The following IL22RA2 variants were observed in gnomAD, a reference collection of about 807,000 sequenced individuals.
The protein encoded by IL22RA2 is interleukin-22 receptor subunit alpha-2.
IL22RA2 carries 39 observed loss-of-function variants against 30.7 expected under a neutral mutation model. The observed-to-expected ratio is 1.27, with a 90% confidence interval of 0.98 to 1.66. IL22RA2 has a LOEUF of 1.66. Among genes scored for constraint, IL22RA2 ranks in the 40% most tolerant of loss-of-function variants. IL22RA2 has a pLI of 0.00. For synonymous variants in IL22RA2, 103 were observed against 105.0 expected (o/e 0.98, Z 0.11); for missense variants, 315 against 312.7 (o/e 1.01, Z -0.05).
chr6:137,147,729 A>T lies in IL22RA2; in HGVS notation c.635T>A (p.Leu212Gln). Residue 212 changes from leucine (L) to glutamine (Q), a missense_variant, in exon 6 of 7, where the codon CTA becomes CAA. Leu to Gln is a moderately radical substitution (Grantham distance 113, BLOSUM62 -2). Coordinates refer to ENST00000296980, the MANE Select transcript of IL22RA2 (RefSeq NM_052962.3). ...CTATTCATCTGAACTTACCTTTTCT[A>T]GTGAATTGTTAATTATAAAAACTCG... The part of the protein sequence containing the change: ...LYRVFIINNS[L>Q]EKEQKVYEGA... The T allele has an allele frequency of 6.5e-7, 1 of 1,537,842 alleles. No homozygotes were observed. The highest frequency in any genetic ancestry group is 8.9e-7 in the Non-Finnish European group (1 of 1,126,270).
chr6:137,159,303 C>A (rs939595971), intron 2 of IL22RA2, among the ~76,000 whole-genome samples: 4 of 151,808 alleles, frequency 2.6e-5, no homozygotes, highest in African/African-American at 9.7e-5. Flanking sequence ...AGAAGTTGGG[C>A]AGAAGGAGGA....
intron 5 of IL22RA2, among the ~76,000 whole-genome samples, chr6:137,148,742 T>G (rs1016089817): frequency 5.3e-5 from 8 of 152,226 alleles, no homozygotes; most frequent in Non-Finnish European, 1.2e-4. Context: ...CCATAAGTTT[T>G]TAAAGCACTT....
In IL22RA2 at chr6:137,144,296, A is replaced by G. The variant is rs1582874461; in HGVS notation, c.*1328T>C. 4 of 152,258 alleles carry G rather than the reference A, an allele frequency of 2.6e-5. No individual in the cohort carries two copies. In the South Asian group the frequency reaches 8.3e-4, roughly 32 times the overall value. The allele number at this position is 152,258 out of a possible 1,614,324, so 9.4% of individuals were successfully genotyped here. A position where few individuals can be genotyped will look rare whatever the true frequency, so the allele number is the denominator to read the frequency against. On this transcript the variant is annotated 3_prime_UTR_variant, in exon 7 of 7. Coordinates refer to ENST00000296980, the MANE Select transcript of IL22RA2 (RefSeq NM_052962.3). ...TTCTCTAGCTCTTGCTCTGCCTCTTATTCTCCTCCACCCCCCAATACATTT... is the reference window on the plus strand; with the variant it reads ...TTCTCTAGCTCTTGCTCTGCCTCTTGTTCTCCTCCACCCCCCAATACATTT...
intron 5 of IL22RA2, among the ~76,000 whole-genome samples, chr6:137,148,341 G>T (rs1778221438): frequency 2.6e-5 from 4 of 152,148 alleles, no homozygotes; most frequent in Admixed American, 2.6e-4. Context: ...TTCCTGAGTA[G>T]CTGAGATTAC....
intron 4 of IL22RA2, among the ~76,000 whole-genome samples, 162 bp downstream of exon 4, chr6:137,156,597 A>G (rs1449264053): frequency 1.3e-5 from 2 of 152,380 alleles, no homozygotes; most frequent in East Asian, 3.9e-4. Context: ...CCAAAGTGAA[A>G]GTTTTCAAAA....
intron 4 of IL22RA2, among the ~76,000 whole-genome samples, chr6:137,155,781 C>T (rs184956282): frequency 4.9e-4 from 75 of 152,186 alleles, no homozygotes; most frequent in Middle Eastern, 3.4e-3. Flanking sequence ...ACATCCCTGA[C>T]GCTTTCTGTA....
intron 5 of IL22RA2, among the ~76,000 whole-genome samples, chr6:137,154,028 A>C (rs751312295): frequency 6.6e-6 from 1 of 152,004 alleles, no homozygotes; most frequent in African/African-American, 2.4e-5. Context: ...ATATCTATAC[A>C]TTAAACCCCT....
intron 1 of IL22RA2, among the ~76,000 whole-genome samples, chr6:137,165,263 G>A (rs988115114): frequency 2.0e-5 from 3 of 152,216 alleles, no homozygotes; most frequent in African/African-American, 4.8e-5. Flanking sequence ...TGAATTTTAT[G>A]AGAGGCTGTG....
At chr6:137,165,590 A>G (rs1450724243) in intron 1 of IL22RA2, among the ~76,000 whole-genome samples, 1 of 152,178 alleles carries the variant, frequency 6.6e-6, no homozygotes, top group East Asian at 1.9e-4. Context: ...AGGTAAAACC[A>G]GGAAGCTAAG....
At chr6:137,162,943 A>T (rs1226395757) in intron 1 of IL22RA2, among the ~76,000 whole-genome samples, 1 of 152,154 alleles carries the variant, frequency 6.6e-6, no homozygotes, top group Non-Finnish European at 1.5e-5. Context: ...GAAATTTTAA[A>T]ATCCTCTTAA....
chr6:137,170,965 G>A (rs943649905), intron 1 of IL22RA2, among the ~76,000 whole-genome samples: 8 of 152,272 alleles, frequency 5.3e-5, no homozygotes, highest in South Asian at 2.1e-4. Context: ...TTCAGCCTCC[G>A]CAAGTCATAA....
At chr6:137,169,122 T>G (rs933943410) in intron 1 of IL22RA2, among the ~76,000 whole-genome samples, 1 of 152,254 alleles carries the variant, frequency 6.6e-6, no homozygotes, top group Non-Finnish European at 1.5e-5. Flanking sequence ...TCCAAGTGTT[T>G]GGCTATTAAG....
At chr6:137,161,450 C>T (rs1182594424) in intron 2 of IL22RA2, among the ~76,000 whole-genome samples, 11 of 152,046 alleles carry the variant, frequency 7.2e-5, no homozygotes, top group Non-Finnish European at 1.5e-5. Flanking sequence ...TACATTTGTT[C>T]TGTATGAAGT....
At chr6:137,149,112 G>C (rs1778237975) in intron 5 of IL22RA2, among the ~76,000 whole-genome samples, 1 of 151,958 alleles carries the variant, frequency 6.6e-6, no homozygotes, top group Non-Finnish European at 1.5e-5. Flanking sequence ...TTCCTTCTCA[G>C]TCTCCTTTTA....
At chr6:137,170,148 G>T (rs1009867494) in intron 1 of IL22RA2, among the ~76,000 whole-genome samples, 1 of 152,178 alleles carries the variant, frequency 6.6e-6, no homozygotes, top group Non-Finnish European at 1.5e-5. Flanking sequence ...CTCTGCAAAA[G>T]TACCAACTGG....
chr6:137,156,683 A>G (rs765440572), intron 4 of IL22RA2, 76 bp downstream of exon 4: 333 of 1,561,052 alleles, frequency 2.1e-4, no homozygotes, highest in Non-Finnish European at 2.8e-4. Flanking sequence ...TCTGAAATTT[A>G]TACAATCTTG....
intron 1 of IL22RA2, among the ~76,000 whole-genome samples, chr6:137,162,362 C>T (rs1307531435): frequency 1.3e-5 from 2 of 152,134 alleles, no homozygotes; most frequent in Admixed American, 1.3e-4. Context: ...CACGGGGCTC[C>T]CTGCCGTACT....
intron 6 of IL22RA2, 121 bp downstream of exon 6, chr6:137,147,601 T>C: frequency 1.2e-6 from 1 of 819,398 alleles, no homozygotes; most frequent in Admixed American, 3.5e-5. Flanking sequence ...TAAGAAGAAA[T>C]TAAAGATAAG....
chr6:137,169,496 A>G (rs555038948), intron 1 of IL22RA2, among the ~76,000 whole-genome samples: 1 of 152,228 alleles, frequency 6.6e-6, no homozygotes, highest in Non-Finnish European at 1.5e-5. Flanking sequence ...GATCTAAGCT[A>G]TCTGGTCTAT....
Sources: gnomAD v4.1 joint callset for allele counts (sites outside exome capture counted in the v4.1 genomes callset) on GRCh38, gnomAD v4.1.1 for gene constraint, MANE v1.5 for transcripts, NCBI Gene and HGNC (gene_info 2026-07-23, HGNC 2026-07-21) for gene names.